PIBF1: variants seen among roughly 807,000 people sequenced by gnomAD.
The protein encoded by PIBF1 is progesterone immunomodulatory binding factor 1.
A neutral mutation model predicts 112.5 loss-of-function variants in PIBF1; 90 were observed. The observed-to-expected ratio is 0.80, with a 90% CI of 0.67 to 0.95. PIBF1 has a LOEUF of 0.95. Ranked by LOEUF, PIBF1 falls within the 40% of genes least tolerant of loss-of-function variation. The probability of loss-of-function intolerance (pLI) is 0.00; values close to 1 mark genes in which losing one functional copy is unlikely to be tolerated. For missense variants in PIBF1, 915 were observed against 852.3 expected (o/e 1.07, Z -0.92); for synonymous variants, 301 against 288.6 (o/e 1.04, Z -0.44).
chr13:72,825,623 G>A (rs867579168), intron 6 of PIBF1, among the ~76,000 whole-genome samples: 10 of 152,204 alleles, frequency 6.6e-5, no homozygotes, highest in Admixed American at 5.2e-4. Context: ...GGTGGGTCTG[G>A]AACCCATTCT....
chr13:72,939,880 T>C (rs2041967110), intron 14 of PIBF1, among the ~76,000 whole-genome samples: 1 of 152,140 alleles, frequency 6.6e-6, no homozygotes, highest in Admixed American at 6.6e-5. Flanking sequence ...TCCCTTCTAG[T>C]TTGCATCGTT....
At chr13:72,788,210 T>C (rs2034704783) in intron 2 of PIBF1, among the ~76,000 whole-genome samples, 1 of 152,108 alleles carries the variant, frequency 6.6e-6, no homozygotes, top group South Asian at 2.1e-4. Context: ...CTTCCTGTCA[T>C]TGGAAGCATT....
chr13:72,966,454 T>G, intron 15 of PIBF1, among the ~76,000 whole-genome samples: 1 of 152,300 alleles, frequency 6.6e-6, no homozygotes, highest in Non-Finnish European at 1.5e-5. Flanking sequence ...AAATTCTGTA[T>G]ACAACCTACA....
intron 5 of PIBF1, among the ~76,000 whole-genome samples, chr13:72,813,965 T>C (rs2036143354): frequency 6.6e-6 from 1 of 152,058 alleles, no homozygotes; most frequent in African/African-American, 2.4e-5. Context: ...CCTATAAAAA[T>C]CTATGGATTA....
chr13:72,984,293 A>C (rs1369657239), intron 16 of PIBF1, among the ~76,000 whole-genome samples: 1 of 152,140 alleles, frequency 6.6e-6, no homozygotes, highest in Non-Finnish European at 1.5e-5. Context: ...ATGTTATACT[A>C]CCCTACTTAG....
chr13:72,931,718 G>GTATATATATATATA (rs3077704), intron 14 of PIBF1, among the ~76,000 whole-genome samples: 2,549 of 101,658 alleles, frequency 0.025, 111 homozygotes, highest in East Asian at 0.066. Flanking sequence ...TTTAAACTAC[G>GTATATATATATATA]TATATATATA....
At chr13:72,999,405 A>G (rs1371145525) in intron 17 of PIBF1, among the ~76,000 whole-genome samples, 2 of 152,176 alleles carry the variant, frequency 1.3e-5, no homozygotes, top group Non-Finnish European at 2.9e-5. Flanking sequence ...TTAACAAATA[A>G]TAAGAATCAA....
intron 17 of PIBF1, among the ~76,000 whole-genome samples, chr13:72,999,794 C>A (rs1233662806): frequency 6.6e-6 from 1 of 152,168 alleles, no homozygotes; most frequent in Non-Finnish European, 1.5e-5. Context: ...ATTGGGCAGA[C>A]ATGGTGGCTC....
chr13:72,939,407 A>G (rs986265089), intron 14 of PIBF1, among the ~76,000 whole-genome samples: 2 of 152,112 alleles, frequency 1.3e-5, no homozygotes, highest in African/African-American at 4.8e-5. Context: ...CCACCCTCTG[A>G]CAACTGCCAA....
At chr13:73,009,045 CT>C (rs1387209194) in intron 17 of PIBF1, among the ~76,000 whole-genome samples, 6 of 152,212 alleles carry the variant, frequency 3.9e-5, no homozygotes, top group African/African-American at 1.4e-4. Context: ...TAGATTCCCT[CT>C]TCCTTTCTCT....
chr13:72,978,328 G>A (rs2043075057), intron 16 of PIBF1, among the ~76,000 whole-genome samples: 1 of 152,144 alleles, frequency 6.6e-6, no homozygotes, highest in African/African-American at 2.4e-5. Context: ...AAATATCATT[G>A]TCCTCATTGT....
chr13:72,987,858 A>ATTTATTTAT (rs1345167411), intron 16 of PIBF1, among the ~76,000 whole-genome samples: 2 of 58,134 alleles, frequency 3.4e-5, no homozygotes, highest in African/African-American at 1.9e-4. Context: ...TTATTTATTT[A>ATTTATTTAT]TTTTTTTTTT....
chr13:72,951,020 G>A (rs1048224071), intron 14 of PIBF1, among the ~76,000 whole-genome samples: 7 of 152,218 alleles, frequency 4.6e-5, no homozygotes, highest in Admixed American at 2.6e-4. Context: ...TATAGATGCT[G>A]CATGAATGTA....
chr13:72,919,819 C>T (rs2041228477), intron 13 of PIBF1, among the ~76,000 whole-genome samples: 1 of 151,980 alleles, frequency 6.6e-6, no homozygotes, highest in Non-Finnish European at 1.5e-5. Flanking sequence ...AATACAAAAA[C>T]TTAGCTGGGC....
At chr13:72,971,397 A>C (rs886725918) in intron 15 of PIBF1, among the ~76,000 whole-genome samples, 2 of 152,200 alleles carry the variant, frequency 1.3e-5, no homozygotes, top group African/African-American at 4.8e-5. Flanking sequence ...TTAGAATTCT[A>C]GAGTTAGAGA....
rs372748341 is a variant in PIBF1 at position 72,795,462 on chromosome 13, C to T, written c.457C>T (p.Arg153Cys). ...LQLREKAGDV[R>C]RNLRDFELTE... ...GCTAAGAGAAAAAGCTGGAGATGTT[C>T]GTCGAAACCTGCGTGACTTTGAGTT... is the stretch of plus-strand genomic sequence containing the variant. The change falls in exon 4 of 18, where the codon CGT becomes TGT. Residue 153 changes from arginine (R) to cysteine (C), a missense_variant. Coordinates refer to ENST00000326291, the MANE Select transcript of PIBF1 (RefSeq NM_006346.4). The T allele has an allele frequency of 5.3e-5, 86 of 1,609,720 alleles. No individual in the cohort carries two copies. Among genetic ancestry groups the T allele is most frequent in the African/African-American group, 6.7e-5 (5 of 74,720 alleles).
At chr13:72,796,355 A>G (rs572079218) in intron 4 of PIBF1, among the ~76,000 whole-genome samples, 8 of 152,178 alleles carry the variant, frequency 5.3e-5, no homozygotes, top group Admixed American at 2.6e-4. Context: ...CCAAAACCAT[A>G]TGTTGAGAAC....
intron 16 of PIBF1, among the ~76,000 whole-genome samples, chr13:72,995,802 TA>T (rs1032843889): frequency 2.8e-4 from 42 of 151,500 alleles, no homozygotes; most frequent in African/African-American, 9.9e-4. Context: ...ATACAAAAAT[TA>T]GCTGAGCGTG....
chr13:72,820,621 C>G (rs2036510714), intron 5 of PIBF1, among the ~76,000 whole-genome samples: 1 of 152,110 alleles, frequency 6.6e-6, no homozygotes, highest in Non-Finnish European at 1.5e-5. Flanking sequence ...TTAAAAAGGA[C>G]AAAATCGTCT....
Sources: allele counts gnomAD v4.1 joint callset (sites outside exome capture counted in the v4.1 genomes callset), GRCh38; gene constraint gnomAD v4.1.1; transcripts MANE v1.5; gene names NCBI Gene and HGNC (gene_info 2026-07-23, HGNC 2026-07-21).